GSE1: variants seen among roughly 807,000 people sequenced by gnomAD.
The protein encoded by GSE1 is genetic suppressor element 1.
GSE1 carries 32 observed loss-of-function variants against 112.6 expected under a neutral mutation model. That is an observed-to-expected ratio of 0.28 (90% CI 0.21 to 0.38). GSE1 has a LOEUF of 0.38. GSE1 is among the 10% of genes least tolerant of loss of function. The pLI is 1.00. For synonymous variants in GSE1, 1,115 were observed against 735.6 expected (o/e 1.52, Z -8.35); for missense variants, 2,348 against 1,699.2 (o/e 1.38, Z -6.71).
At chr16:85,667,693 T>C (rs1248864187) in intron 13 of GSE1, among the ~76,000 whole-genome samples, 1 of 152,198 alleles carries the variant, frequency 6.6e-6, no homozygotes, top group Non-Finnish European at 1.5e-5. Flanking sequence ...ACCCTGTTTC[T>C]ACTAAAAATG....
At chr16:85,434,992 A>G (rs1416069203) in intron 2 of GSE1, among the ~76,000 whole-genome samples, 1 of 152,222 alleles carries the variant, frequency 6.6e-6, no homozygotes, top group South Asian at 2.1e-4. Flanking sequence ...CAGCAGTCAC[A>G]CAGGCCCCAC....
intron 2 of GSE1, among the ~76,000 whole-genome samples, chr16:85,422,418 C>A (rs922975074): frequency 6.6e-6 from 1 of 151,970 alleles, no homozygotes; most frequent in Non-Finnish European, 1.5e-5. Flanking sequence ...GTCGGTTCCT[C>A]CCCCGGAGGC....
At chr16:85,333,344 C>A (rs1399100970) in intron 1 of GSE1, among the ~76,000 whole-genome samples, 1 of 152,192 alleles carries the variant, frequency 6.6e-6, no homozygotes, top group Non-Finnish European at 1.5e-5. Context: ...CTCCCAGCAG[C>A]CCCAGAGGCC....
intron 1 of GSE1, among the ~76,000 whole-genome samples, chr16:85,628,677 G>A (rs981046191): frequency 2.0e-5 from 3 of 152,146 alleles, no homozygotes; most frequent in Non-Finnish European, 2.9e-5. Flanking sequence ...TCGTGCCGTC[G>A]AGCCGCCATC....
chr16:85,239,006 C>G (rs773203297), intron 1 of GSE1, among the ~76,000 whole-genome samples: 8 of 152,162 alleles, frequency 5.3e-5, no homozygotes, highest in Non-Finnish European at 7.4e-5. Flanking sequence ...CGGCTCACTG[C>G]AACCTCTGCC....
At chr16:85,414,040 A>G (rs566004842) in intron 2 of GSE1, among the ~76,000 whole-genome samples, 72 of 152,266 alleles carry the variant, frequency 4.7e-4, no homozygotes, top group Middle Eastern at 3.4e-3. Context: ...AGAACTGTGA[A>G]TCCATTAAAC....
intron 2 of GSE1, among the ~76,000 whole-genome samples, chr16:85,525,259 C>CT (rs2052329459): frequency 2.0e-5 from 3 of 152,036 alleles, no homozygotes; most frequent in African/African-American, 7.3e-5. Context: ...GTCCCCCCCC[C>CT]ACTGATGGTG....
chr16:85,577,404 C>T (rs1043706008), intron 1 of GSE1, among the ~76,000 whole-genome samples: 8 of 152,314 alleles, frequency 5.3e-5, no homozygotes, highest in African/African-American at 1.7e-4. Flanking sequence ...CAGGGCCAGC[C>T]AGGGCAGGTC....
intron 1 of GSE1, among the ~76,000 whole-genome samples, chr16:85,252,414 G>T (rs77812365): frequency 6.6e-6 from 1 of 152,348 alleles, no homozygotes; most frequent in East Asian, 1.9e-4. Flanking sequence ...TGAAATTACT[G>T]TGGAAATCAG....
chr16:85,388,764 C>G (rs909821629), intron 2 of GSE1, among the ~76,000 whole-genome samples: 2 of 152,060 alleles, frequency 1.3e-5, no homozygotes, highest in South Asian at 4.1e-4. Context: ...GGAAAAAGGG[C>G]AGGCAACATC....
At chr16:85,426,313 G>T (rs2048986728) in intron 2 of GSE1, among the ~76,000 whole-genome samples, 1 of 149,500 alleles carries the variant, frequency 6.7e-6, no homozygotes, top group South Asian at 2.1e-4. Context: ...AAGGAAGGAA[G>T]GGTGGGTGGG....
intron 2 of GSE1, among the ~76,000 whole-genome samples, chr16:85,505,253 G>C (rs2051500732): frequency 6.6e-6 from 1 of 152,226 alleles, no homozygotes; most frequent in Non-Finnish European, 1.5e-5. Flanking sequence ...GTCACCTGAG[G>C]CCTTTCCCTC....
chr16:85,396,710 C>T (rs559557265), intron 2 of GSE1, among the ~76,000 whole-genome samples: 1 of 152,378 alleles, frequency 6.6e-6, no homozygotes, highest in East Asian at 1.9e-4. Flanking sequence ...CCGGACGCTA[C>T]ACAAGTGGGA....
chr16:85,594,662 T>G (rs1053188953), intron 1 of GSE1: 1 of 152,286 alleles, frequency 6.6e-6, no homozygotes, highest in East Asian at 1.9e-4. Context: ...TCTCAGCCTC[T>G]CAGAGCAGGT....
At chr16:85,232,908 G>A (rs1034592575) in intron 1 of GSE1, among the ~76,000 whole-genome samples, 3 of 152,226 alleles carry the variant, frequency 2.0e-5, no homozygotes, top group African/African-American at 7.2e-5. Context: ...ATTAATGAAT[G>A]GCTCCAGGTG....
chr16:85,382,587 C>G (rs1398805598), intron 2 of GSE1, among the ~76,000 whole-genome samples: 1 of 152,162 alleles, frequency 6.6e-6, no homozygotes, highest in African/African-American at 2.4e-5. Context: ...GGGCTCGGAG[C>G]CCACACCCGG....
At chr16:85,212,354 T>C (rs976858550) in intron 1 of GSE1, among the ~76,000 whole-genome samples, 20 of 151,908 alleles carry the variant, frequency 1.3e-4, no homozygotes, top group African/African-American at 4.6e-4. Context: ...TGCAGTGAGC[T>C]GAGATTGCGC....
intron 2 of GSE1, among the ~76,000 whole-genome samples, chr16:85,370,277 A>G (rs1171849198): frequency 2.0e-5 from 3 of 152,096 alleles, no homozygotes; most frequent in African/African-American, 7.2e-5. Context: ...CCTCTGAGCA[A>G]CGCACCCCAG....
chr16:85,310,008 G>A (rs2045791572), intron 1 of GSE1, among the ~76,000 whole-genome samples: 1 of 152,254 alleles, frequency 6.6e-6, no homozygotes, highest in African/African-American at 2.4e-5. Flanking sequence ...TGGGAACAGA[G>A]CGTGTCTTTG....
Sources: gnomAD v4.1 joint callset for allele counts (sites outside exome capture counted in the v4.1 genomes callset) on GRCh38, gnomAD v4.1.1 for gene constraint, MANE v1.5 for transcripts, NCBI Gene and HGNC (gene_info 2026-07-23, HGNC 2026-07-21) for gene names.